Variants in DLGAP2 observed in about 807,000 individuals in gnomAD.
The protein encoded by DLGAP2 is disks large-associated protein 2.
Under a neutral mutation model 100.3 loss-of-function variants are expected in DLGAP2, and 26 were observed. The ratio of observed to expected loss-of-function variants is 0.26; its 90% CI spans 0.19 to 0.36. The LOEUF (loss-of-function observed/expected upper bound fraction) is 0.36. DLGAP2 is among the 10% of genes least tolerant of loss of function. DLGAP2 has a pLI of 1.00. For synonymous variants in DLGAP2, 886 were observed against 630.1 expected (o/e 1.41, Z -6.08); for missense variants, 1,858 against 1,453.2 (o/e 1.28, Z -4.53).
intron 1 of DLGAP2, among the ~76,000 whole-genome samples, chr8:765,210 A>G (rs1297191480): frequency 2.0e-5 from 3 of 152,204 alleles, no homozygotes; most frequent in African/African-American, 7.2e-5. Flanking sequence ...TTTATTTAAA[A>G]GATAACTTTA....
intron 3 of DLGAP2, among the ~76,000 whole-genome samples, chr8:1,313,851 CAT>C (rs1800668000): frequency 6.6e-6 from 1 of 152,152 alleles, no homozygotes; most frequent in Non-Finnish European, 1.5e-5. Context: ...ATCCCCCTCT[CAT>C]ATTCATCAGC....
At chr8:758,469 G>A (rs991773555) in intron 1 of DLGAP2, among the ~76,000 whole-genome samples, 1 of 152,092 alleles carries the variant, frequency 6.6e-6, no homozygotes, top group African/African-American at 2.4e-5. Context: ...AGTTCAGTAG[G>A]AGCTACAATT....
intron 3 of DLGAP2, among the ~76,000 whole-genome samples, chr8:1,372,560 C>G (rs972471844): frequency 5.9e-5 from 9 of 152,144 alleles, no homozygotes; most frequent in African/African-American, 1.9e-4. Flanking sequence ...AGGAGCATCA[C>G]TGGCTGCTGC....
rs1563058295 is a variant in DLGAP2 at position 840,630 on chromosome 8, CGCCTGCATGTCTCCCT to C, written c.19-67281_19-67266del. Among the ~76,000 whole-genome samples the C allele has an allele frequency of 1.2e-4, 9 of 75,324 alleles. 1 individual carries two copies. The highest frequency in any genetic ancestry group is 2.7e-4 in the Non-Finnish European group (8 of 29,858). 49.4% of individuals were successfully genotyped at this position (75,324 alleles called of 152,430 possible). On this transcript the variant is annotated intron_variant, in intron 1 of 14. Coordinates refer to ENST00000637795, the MANE Select transcript of DLGAP2 (RefSeq NM_001346810.2). ...TCTGCGAGCGCGTCCACACGGTGCA[CGCCTGCATGTCTCCCT>C]ACACTCTGGATTCTGCGAGCGCGTC...
At chr8:1,173,421 C>G (rs1024295266) in intron 2 of DLGAP2, among the ~76,000 whole-genome samples, 3 of 152,324 alleles carry the variant, frequency 2.0e-5, no homozygotes, top group Non-Finnish European at 4.4e-5. Flanking sequence ...AGCTGTCAGA[C>G]AGGGACATTT....
intron 6 of DLGAP2, among the ~76,000 whole-genome samples, chr8:1,615,846 A>C (rs28631221): frequency 0.071 from 5,991 of 83,924 alleles, no homozygotes; most frequent in East Asian, 0.14. Flanking sequence ...GGTCTTATGA[A>C]TGATATAAAA....
intron 1 of DLGAP2, among the ~76,000 whole-genome samples, chr8:822,882 C>T (rs1223288227): frequency 2.0e-5 from 3 of 152,144 alleles, no homozygotes; most frequent in African/African-American, 7.2e-5. Context: ...TCCCCAGACC[C>T]ACAAAGAGCA....
chr8:1,552,584 C>G (rs896476643), intron 5 of DLGAP2, among the ~76,000 whole-genome samples: 3 of 152,214 alleles, frequency 2.0e-5, no homozygotes, highest in African/African-American at 4.8e-5. Context: ...TGGTGGAAAA[C>G]TACAGGTTTC....
intron 1 of DLGAP2, among the ~76,000 whole-genome samples, chr8:763,060 A>C (rs1299935753): frequency 6.6e-6 from 1 of 151,662 alleles, no homozygotes; most frequent in African/African-American, 2.4e-5. Flanking sequence ...TCAAAGAGGG[A>C]TTGGAGAAAA....
chr8:1,309,432 G>A (rs1800562974), intron 3 of DLGAP2, among the ~76,000 whole-genome samples: 2 of 152,104 alleles, frequency 1.3e-5, no homozygotes, highest in East Asian at 1.9e-4. Flanking sequence ...TAGAAACCAT[G>A]GAAGACAAAA....
intron 2 of DLGAP2, among the ~76,000 whole-genome samples, chr8:1,097,739 T>A (rs1804431743): frequency 1.5e-5 from 2 of 136,014 alleles, no homozygotes; most frequent in African/African-American, 5.8e-5. Context: ...AGAGTCGAGC[T>A]GGGAGCCTAG....
At position 773,096 on chromosome 8, in the gene DLGAP2, T is replaced by A. The variant is rs1363072303; in HGVS notation, c.18+35271T>A. ...CTGCTTGGCTGCTGTAACCAAGCCC[T>A]GGAGCCTGGGAGGCCTGAACAGCAG... is the stretch of plus-strand genomic sequence containing the variant. On this transcript the variant is annotated intron_variant, in intron 1 of 14. Coordinates refer to ENST00000637795, the MANE Select transcript of DLGAP2 (RefSeq NM_001346810.2). Among the ~76,000 whole-genome samples the A allele has an allele frequency of 2.6e-5, 4 of 152,308 alleles. No homozygotes were observed. The East Asian group carries it at 7.7e-4, about 29-fold the overall frequency.
chr8:1,190,252 G>A (rs188872702), intron 2 of DLGAP2, among the ~76,000 whole-genome samples: 199 of 152,270 alleles, frequency 1.3e-3, no homozygotes, highest in African/African-American at 4.6e-3. Flanking sequence ...CCAAGTCCAC[G>A]GCACTCCCCA....
intron 1 of DLGAP2, among the ~76,000 whole-genome samples, chr8:851,001 G>C (rs944878513): frequency 6.6e-6 from 1 of 152,182 alleles, no homozygotes; most frequent in African/African-American, 2.4e-5. Context: ...TGAACAAGTA[G>C]AGACGCAGCA....
At chr8:1,644,813 CTAACAGGATG>C in intron 8 of DLGAP2, among the ~76,000 whole-genome samples, 1 of 152,294 alleles carries the variant, frequency 6.6e-6, no homozygotes, top group African/African-American at 2.4e-5. Flanking sequence ...GGCTTTTACT[CTAACAGGATG>C]TTCGTCTAAA....
intron 2 of DLGAP2, among the ~76,000 whole-genome samples, chr8:1,190,871 G>C (rs979178856): frequency 6.6e-6 from 1 of 152,156 alleles, no homozygotes; most frequent in African/African-American, 2.4e-5. Context: ...GCAAGCGTGG[G>C]GTCTGTGGCC....
intron 6 of DLGAP2, among the ~76,000 whole-genome samples, chr8:1,600,361 C>T (rs548384714): frequency 2.0e-5 from 3 of 152,266 alleles, no homozygotes; most frequent in East Asian, 1.9e-4. Flanking sequence ...TGGGGTTGCT[C>T]TTCTCAAGGA....
chr8:1,069,271 G>T (rs1365546719), intron 2 of DLGAP2, among the ~76,000 whole-genome samples: 1 of 152,172 alleles, frequency 6.6e-6, no homozygotes, highest in Non-Finnish European at 1.5e-5. Context: ...GGGGCTGCCA[G>T]CTGGGCCGGA....
Position 1,565,843 on chromosome 8 carries a change from C to A in DLGAP2, c.1391C>A (p.Pro464Gln), listed in dbSNP as rs2301963. ...PKTSPKSAIL[P>Q]EPLLKSIGQR... ...ACATCACCAAAGTCGGCAATCCTAC[C>A]AGAGCCGCTGCTGAAGTCCATCGGA... Residue 464 changes from proline (P) to glutamine (Q), a missense_variant, in exon 6 of 15, where the codon CCA (proline) becomes CAA (glutamine). By Grantham distance (76) the Pro-to-Gln change is moderately conservative (BLOSUM62 -1). Transcript: ENST00000637795. The A allele has an allele frequency of 0.46, 736,784 of 1,611,828 alleles. 170,570 individuals are homozygous for A. Among genetic ancestry groups the A allele is most frequent in the Admixed American group, 0.61 (36,673 of 59,686 alleles).
Sources: gnomAD v4.1 joint callset for allele counts (sites outside exome capture counted in the v4.1 genomes callset) on GRCh38, gnomAD v4.1.1 for gene constraint, MANE v1.5 for transcripts, NCBI Gene and HGNC (gene_info 2026-07-23, HGNC 2026-07-21) for gene names.